Variants in KIF2C observed in about 807,000 individuals in gnomAD.
KIF2C encodes kinesin-like protein KIF2C.
Under a neutral mutation model 97.4 loss-of-function variants are expected in KIF2C, and 34 were observed. The ratio of observed to expected loss-of-function variants is 0.35; its 90% CI spans 0.27 to 0.46. The LOEUF is 0.46. Among genes scored for constraint, KIF2C ranks in the 20% least tolerant of loss-of-function variants. The pLI is 1.00. For synonymous variants in KIF2C, 313 were observed against 318.2 expected (o/e 0.98, Z 0.17); for missense variants, 750 against 907.6 (o/e 0.83, Z 2.23).
intron 2 of KIF2C, among the ~76,000 whole-genome samples, chr1:44,744,166 G>A (rs1405338059): frequency 6.6e-6 from 1 of 151,654 alleles, no homozygotes; most frequent in African/African-American, 2.4e-5. Context: ...CTCCCTCAGT[G>A]AGCCGATTTC....
Position 44,747,433 on chromosome 1 carries a change from T to C in KIF2C, c.215T>C (p.Leu72Pro). The change falls in exon 3 of 21, where the codon CTT (leucine) becomes CCT (proline). Residue 72 changes from leucine (L) to proline (P), a missense_variant. Physicochemically the swap from Leu to Pro is moderately conservative, Grantham distance 98. Transcript: ENST00000372224. ...AAINPELLQL[L>P]PLHPKDNLPL... ...ATAAACCCAGAACTCTTACAGCTTC[T>C]TCCCTTACATCCGAAGGACAATCTG... 1.2e-6 allele frequency: 2 copies of C among 1,610,908 alleles called. No homozygotes were observed. The highest frequency in any genetic ancestry group is 1.7e-6 in the Non-Finnish European group (2 of 1,179,288).
rs1163790036 is a variant in KIF2C at position 44,740,905 on chromosome 1, C to T, written c.71-8C>T. 2 of 1,564,916 alleles carry T rather than the reference C, an allele frequency of 1.3e-6. No homozygotes were observed. Among genetic ancestry groups the T allele is most frequent in the South Asian group, 1.1e-5 (1 of 89,786 alleles). ...GATGGGTAACTCTGGTTTTTTCATACTTTATAGGTTTAATTCACAGTGCCA... is the reference window on the plus strand; with the variant it reads ...GATGGGTAACTCTGGTTTTTTCATATTTTATAGGTTTAATTCACAGTGCCA... On this transcript the variant is annotated splice_polypyrimidine_tract_variant and splice_region_variant and intron_variant, in intron 1 of 20. Transcript: ENST00000372224.
At position 44,742,319 on chromosome 1, in the gene KIF2C, C is replaced by T. The variant is rs1005533262; in HGVS notation, c.165+1312C>T. On this transcript the variant is annotated intron_variant, in intron 2 of 20. Coordinates refer to ENST00000372224, the MANE Select transcript of KIF2C (RefSeq NM_006845.4). ...AGAGATGGGGTTTCACTGTGTTAGC[C>T]GGGATGGTCTCGATCTCCTGACCTC... Among the ~76,000 whole-genome samples, 7 of 151,948 alleles carry T rather than the reference C, an allele frequency of 4.6e-5. No homozygotes were observed. The South Asian group carries it at 8.3e-4, about 18-fold the overall frequency.
At position 44,741,000 on chromosome 1, in the gene KIF2C, G is replaced by A; in HGVS notation, c.158G>A (p.Gly53Asp). 1 of 1,612,310 alleles carries A rather than the reference G, an allele frequency of 6.2e-7. No individual in the cohort carries two copies. The highest frequency in any genetic ancestry group is 8.5e-7 in the Non-Finnish European group (1 of 1,178,560). ...VEWAEGGATK[G>D]KEIDFDDVAA... ...TGGGCAGAAGGAGGTGCCACAAAGG[G>A]CAAAGAGGTAGGTTCTATGAGAATT... is the stretch of plus-strand genomic sequence containing the variant. Residue 53 changes from glycine to aspartate, a missense_variant, in exon 2 of 21, where the codon GGC becomes GAC. Coordinates refer to ENST00000372224, the MANE Select transcript of KIF2C (RefSeq NM_006845.4).
rs779489053 is a variant in KIF2C, at chr1:44,746,767, A to G, written c.166-617A>G. ...CCCATATCCATCTAGATGGTAAACC[A>G]TTATTAAGGAGTAACTATTTGTTTT... On this transcript the variant is annotated intron_variant, in intron 2 of 20. Transcript: ENST00000372224. 7 of 1,606,876 alleles carry G rather than the reference A, an allele frequency of 4.4e-6. No individual in the cohort carries two copies. In the South Asian group the frequency reaches 6.7e-5, roughly 15 times the overall value.
In KIF2C at chr1:44,762,222, G is replaced by A. The variant is rs897445379; in HGVS notation, c.1752-124G>A. ...CCAGCTTTAGTTTTCTCTCTCCTTGGCTGAAGGCAAGGTTGCCATTCCATC... is the reference window on the plus strand; with the variant it reads ...CCAGCTTTAGTTTTCTCTCTCCTTGACTGAAGGCAAGGTTGCCATTCCATC... On this transcript the variant is annotated intron_variant, in intron 17 of 20. Coordinates refer to ENST00000372224, the MANE Select transcript of KIF2C (RefSeq NM_006845.4). 3 of 983,148 alleles carry A rather than the reference G, an allele frequency of 3.1e-6. No homozygotes were observed. In the Admixed American group the frequency reaches 5.1e-5, roughly 17 times the overall value. The allele number at this position is 983,148 out of a possible 1,614,324, so 60.9% of individuals were successfully genotyped here.
chr1:44,756,341 C>A, intron 10 of KIF2C, 104 bp downstream of exon 10: 1 of 1,185,928 alleles, frequency 8.4e-7, no homozygotes, highest in Non-Finnish European at 1.2e-6. Flanking sequence ...TTCTGAGGCT[C>A]TTCCTCGCTT....
chr1:44,756,371 A>G (rs1156620379), intron 10 of KIF2C, 134 bp downstream of exon 10: 2 of 967,468 alleles, frequency 2.1e-6, no homozygotes, highest in African/African-American at 3.3e-5. Flanking sequence ...TCTTTGGGTC[A>G]CACCCTTTGG....
intron 19 of KIF2C, among the ~76,000 whole-genome samples, chr1:44,765,521 T>C (rs1236859010): frequency 1.3e-5 from 2 of 151,876 alleles, no homozygotes; most frequent in East Asian, 3.9e-4. Flanking sequence ...GAGGATTTGG[T>C]GACAAGTACG....
At chr1:44,763,797 A>T (rs1650295998) in intron 19 of KIF2C, among the ~76,000 whole-genome samples, 1 of 152,148 alleles carries the variant, frequency 6.6e-6, no homozygotes, top group Non-Finnish European at 1.5e-5. Context: ...ACACGTTGGG[A>T]GGCCGAGGCG....
intron 4 of KIF2C, among the ~76,000 whole-genome samples, chr1:44,748,613 T>C (rs2148824019): frequency 6.6e-6 from 1 of 152,198 alleles, no homozygotes; most frequent in South Asian, 2.1e-4. Flanking sequence ...TGATCGTAGC[T>C]CACTGTAGCC....
chr1:44,742,098 G>T (rs1393820713), intron 2 of KIF2C, among the ~76,000 whole-genome samples: 6 of 151,120 alleles, frequency 4.0e-5, no homozygotes, highest in African/African-American at 1.5e-4. Flanking sequence ...AATTTTCTGG[G>T]TTTTTTTTGT....
intron 4 of KIF2C, among the ~76,000 whole-genome samples, chr1:44,748,513 T>G (rs1344934119): frequency 6.6e-6 from 1 of 152,142 alleles, no homozygotes; most frequent in Non-Finnish European, 1.5e-5. Flanking sequence ...TCCGTGTTCA[T>G]GTCCTCAAAG....
At chr1:44,753,308 A>G in intron 6 of KIF2C, 54 bp downstream of exon 6, 1 of 1,566,222 alleles carries the variant, frequency 6.4e-7, no homozygotes, top group South Asian at 1.2e-5. Context: ...CAGATAGTTT[A>G]CATCCTGTCC....
In KIF2C at chr1:44,753,789, G is replaced by A; in HGVS notation, c.619G>A (p.Glu207Lys). The A allele has an allele frequency of 6.2e-7, 1 of 1,612,634 alleles. No homozygotes were observed. Among genetic ancestry groups the A allele is most frequent in the Non-Finnish European group, 8.5e-7 (1 of 1,179,438 alleles). The change falls in exon 7 of 21, where the codon GAG (glutamate) becomes AAG (lysine). Residue 207 changes from glutamate (E) to lysine (K), a missense_variant. By Grantham distance (56) the Glu-to-Lys change is moderately conservative. Coordinates refer to ENST00000372224, the MANE Select transcript of KIF2C (RefSeq NM_006845.4). ...EVEKMKNKRE[E>K]KKAQNSEMRM... The stretch of plus-strand genomic sequence containing the variant: ...GGAAAAAATGAAGAACAAGCGAGAA[G>A]AGAAGAAGGCCCAGAACTCTGAAAT...
At chr1:44,751,719 G>A (rs1334830443) in intron 5 of KIF2C, among the ~76,000 whole-genome samples, 6 of 151,468 alleles carry the variant, frequency 4.0e-5, no homozygotes, top group Non-Finnish European at 8.8e-5. Context: ...TGTTGGTCAG[G>A]CTGGTCTCGA....
At chr1:44,754,440 T>A (rs1649707752) in intron 7 of KIF2C, among the ~76,000 whole-genome samples, 1 of 152,180 alleles carries the variant, frequency 6.6e-6, no homozygotes, top group African/African-American at 2.4e-5. Context: ...TTGTACGTAT[T>A]TGGAGGGCAG....
At chr1:44,754,911 C>A in intron 8 of KIF2C, 66 bp downstream of exon 8, 1 of 970,870 alleles carries the variant, frequency 1.0e-6, no homozygotes, top group Non-Finnish European at 1.6e-6. Flanking sequence ...CTTCTCTTTA[C>A]AGGAATGAGG....
chr1:44,753,958 CTTTT>C (rs34685023), intron 7 of KIF2C, 125 bp downstream of exon 7: 768 of 67,724 alleles, frequency 0.011, no homozygotes, highest in South Asian at 0.033. Context: ...GGCCCCAATT[CTTTT>C]TTTTTTTTTT....
Sources: gnomAD v4.1 joint callset for allele counts (sites outside exome capture counted in the v4.1 genomes callset) on GRCh38, gnomAD v4.1.1 for gene constraint, MANE v1.5 for transcripts, NCBI Gene and HGNC (gene_info 2026-07-23, HGNC 2026-07-21) for gene names.